DOCK4: variants seen among roughly 807,000 people sequenced by gnomAD.
DOCK4 encodes the protein dedicator of cytokinesis 4, also known as dedicator of cytokinesis protein 4.
DOCK4 carries 97 observed loss-of-function variants against 268.1 expected under a neutral mutation model. That is an observed-to-expected ratio of 0.36 (90% CI 0.31 to 0.43). The LOEUF is 0.43. Ranked by LOEUF, DOCK4 falls within the 20% of genes least tolerant of loss-of-function variation. The pLI is 1.00. For synonymous variants in DOCK4, 954 were observed against 887.2 expected, an observed-to-expected ratio of 1.08 and a Z score of -1.34; for missense variants, 2,145 against 2,455.7, an observed-to-expected ratio of 0.87 and a Z score of 2.67.
intron 42 of DOCK4, among the ~76,000 whole-genome samples, chr7:111,752,418 T>C (rs1796720465): frequency 6.6e-6 from 1 of 152,094 alleles, no homozygotes; most frequent in South Asian, 2.1e-4. Context: ...AGTGGTTAGA[T>C]TCTGGGTATA....
At chr7:112,150,456 G>T (rs537027937) in intron 1 of DOCK4, among the ~76,000 whole-genome samples, 1 of 152,138 alleles carries the variant, frequency 6.6e-6, no homozygotes, top group Admixed American at 6.5e-5. Context: ...AGATAACCTC[G>T]TCCTGTCTTG....
At chr7:111,856,430 T>C (rs1302715895) in intron 23 of DOCK4, among the ~76,000 whole-genome samples, 1 of 152,238 alleles carries the variant, frequency 6.6e-6, no homozygotes, top group Non-Finnish European at 1.5e-5. Context: ...ATCTTTGCCC[T>C]GTCTAGAGAC....
At chr7:112,081,940 G>C (rs1383665493) in intron 1 of DOCK4, among the ~76,000 whole-genome samples, 1 of 152,130 alleles carries the variant, frequency 6.6e-6, no homozygotes, top group Non-Finnish European at 1.5e-5. Flanking sequence ...TTGGGGCCCT[G>C]CTCTGCCTCT....
chr7:111,731,342 T>C (rs1251705308), intron 52 of DOCK4, among the ~76,000 whole-genome samples: 1 of 152,188 alleles, frequency 6.6e-6, no homozygotes. Context: ...CCTGCCCCTA[T>C]GTGTTTGTAG....
intron 2 of DOCK4, among the ~76,000 whole-genome samples, chr7:112,001,958 T>C (rs542708395): frequency 6.6e-6 from 1 of 152,278 alleles, no homozygotes; most frequent in Admixed American, 6.5e-5. Context: ...AATCAGGATA[T>C]ATATTGTATT....
intron 12 of DOCK4, among the ~76,000 whole-genome samples, chr7:111,928,873 G>A (rs1793956391): frequency 6.6e-6 from 1 of 152,174 alleles, no homozygotes; most frequent in Non-Finnish European, 1.5e-5. Flanking sequence ...ACAGGTGGGA[G>A]CCACCAAACC....
chr7:111,856,781 T>TG (rs1805048624), intron 23 of DOCK4, among the ~76,000 whole-genome samples: 1 of 152,140 alleles, frequency 6.6e-6, no homozygotes, highest in African/African-American at 2.4e-5. Flanking sequence ...GGATTGAGAC[T>TG]GAAGGAACAA....
chr7:111,791,622 TA>T (rs1033517208), intron 30 of DOCK4, among the ~76,000 whole-genome samples: 3 of 152,054 alleles, frequency 2.0e-5, no homozygotes, highest in African/African-American at 7.2e-5. Context: ...CTAATTTTTG[TA>T]TTTTAGTAGA....
At position 111,868,783 on chromosome 7, in the gene DOCK4, A is replaced by T. The variant is rs139469659; in HGVS notation, c.2110-629T>A. Among the ~76,000 whole-genome samples, 87 of 152,304 alleles carry T rather than the reference A, an allele frequency of 5.7e-4. 1 individual carries two copies. The highest frequency in any genetic ancestry group is 2.0e-3 in the African/African-American group (85 of 41,574). On this transcript the variant is annotated intron_variant, in intron 21 of 52. Transcript: ENST00000428084. The stretch of plus-strand genomic sequence containing the variant: ...AACACTAAGTGTTTTTGACCCTCAG[A>T]TGTTTTTTAAATTTAGTCAACAAAA...
intron 25 of DOCK4, among the ~76,000 whole-genome samples, chr7:111,836,479 A>G (rs1803253938): frequency 6.6e-6 from 1 of 152,168 alleles, no homozygotes; most frequent in African/African-American, 2.4e-5. Flanking sequence ...CTGGCATGCA[A>G]TGAAAAATCA....
chr7:111,768,249 G>A (rs186327769), intron 37 of DOCK4, among the ~76,000 whole-genome samples: 6 of 152,202 alleles, frequency 3.9e-5, no homozygotes, highest in South Asian at 2.1e-4. Context: ...ACAGACTCCC[G>A]GGGATGGACC....
At chr7:111,854,010 TG>T (rs1358865351) in intron 23 of DOCK4, among the ~76,000 whole-genome samples, 1 of 151,562 alleles carries the variant, frequency 6.6e-6, no homozygotes, top group Non-Finnish European at 1.5e-5. Flanking sequence ...CTCGGCTCAC[TG>T]CAACCTCCTC....
intron 8 of DOCK4, among the ~76,000 whole-genome samples, chr7:111,955,520 C>T (rs1014024222): frequency 1.3e-5 from 2 of 152,134 alleles, no homozygotes; most frequent in Non-Finnish European, 2.9e-5. Flanking sequence ...AATTCCATTG[C>T]CAATTTTGAA....
intron 6 of DOCK4, among the ~76,000 whole-genome samples, chr7:111,988,092 C>T (rs1346084348): frequency 3.9e-5 from 6 of 152,182 alleles, no homozygotes; most frequent in Non-Finnish European, 4.4e-5. Context: ...TTTCCACATT[C>T]AGTAAGAGGC....
chr7:112,137,647 G>A (rs1289458864), intron 1 of DOCK4, among the ~76,000 whole-genome samples: 1 of 152,086 alleles, frequency 6.6e-6, no homozygotes, highest in East Asian at 1.9e-4. Flanking sequence ...ATAAAACATA[G>A]TAAGATAATA....
chr7:111,948,449 C>T (rs1296013115), intron 8 of DOCK4, among the ~76,000 whole-genome samples: 1 of 152,166 alleles, frequency 6.6e-6, no homozygotes, highest in Non-Finnish European at 1.5e-5. Context: ...ACCCACTCAG[C>T]AGTCAAGCCT....
intron 15 of DOCK4, among the ~76,000 whole-genome samples, chr7:111,898,918 C>T (rs1313046392): frequency 6.6e-6 from 1 of 152,168 alleles, no homozygotes; most frequent in Non-Finnish European, 1.5e-5. Context: ...TCCAAATGCT[C>T]TTTCTCTCTT....
In DOCK4 at chr7:111,876,093, T is replaced by C. The variant is rs553810697; in HGVS notation, c.1744+937A>G. Among the ~76,000 whole-genome samples, 35 of 152,346 alleles carry C rather than the reference T, an allele frequency of 2.3e-4. 1 individual carries two copies. Among genetic ancestry groups the C allele is most frequent in the South Asian group, 1.7e-3 (8 of 4,828 alleles). The stretch of plus-strand genomic sequence containing the variant: ...AAAAAAATACTTGAGGTTTGGTAAA[T>C]GCTTTATAATCATTTATTGAGTTAT... On this transcript the variant is annotated intron_variant, in intron 17 of 52. Coordinates refer to ENST00000428084, the MANE Select transcript of DOCK4 (RefSeq NM_001363540.2).
At chr7:111,866,776 T>C (rs532528204) in intron 22 of DOCK4, among the ~76,000 whole-genome samples, 2 of 152,356 alleles carry the variant, frequency 1.3e-5, no homozygotes, top group African/African-American at 4.8e-5. Flanking sequence ...GCAAGTTTCA[T>C]CTCTGTAACT....
Sources: gnomAD v4.1 joint callset for allele counts (sites outside exome capture counted in the v4.1 genomes callset) on GRCh38, gnomAD v4.1.1 for gene constraint, MANE v1.5 for transcripts, NCBI Gene and HGNC (gene_info 2026-07-23, HGNC 2026-07-21) for gene names.